Variants in AK9 observed in about 807,000 individuals in gnomAD.
AK9 encodes adenylate kinase domain containing 1.
A neutral mutation model predicts 239.6 loss-of-function variants in AK9; 191 were observed. The ratio of observed to expected loss-of-function variants is 0.80; its 90% CI spans 0.71 to 0.90. AK9 has a LOEUF of 0.90. AK9 is among the 40% of genes least tolerant of loss of function. The probability of loss-of-function intolerance (pLI) is 0.00; values close to 1 mark genes in which losing one functional copy is unlikely to be tolerated. For synonymous variants in AK9, 689 were observed against 721.0 expected (o/e 0.96, Z 0.71); for missense variants, 1,995 against 2,214.7 (o/e 0.90, Z 1.99).
chr6:109,598,127 G>A (rs975137099), intron 17 of AK9, among the ~76,000 whole-genome samples: 1 of 152,050 alleles, frequency 6.6e-6, no homozygotes, highest in African/African-American at 2.4e-5. Flanking sequence ...ACAACCTGCA[G>A]GTTTGTTACA....
At chr6:109,617,278 T>G (rs1794289632) in intron 13 of AK9, among the ~76,000 whole-genome samples, 1 of 152,160 alleles carries the variant, frequency 6.6e-6, no homozygotes, top group Non-Finnish European at 1.5e-5. Flanking sequence ...AGAAAAATTC[T>G]ACAAGCATCC....
chr6:109,533,242 G>A lies in AK9; in HGVS notation c.3570+9C>T. 6.3e-7 allele frequency: 1 copy of A among 1,585,020 alleles called. No homozygotes were observed. The highest frequency in any genetic ancestry group is 8.6e-7 in the Non-Finnish European group (1 of 1,165,836). On this transcript the variant is annotated intron_variant, in intron 28 of 40. Transcript: ENST00000424296. The stretch of plus-strand genomic sequence containing the variant: ...AGATTTATTCAATGCATTTTTGCTA[G>A]ATACATACCCTGATTTTTGCCTTCA...
intron 24 of AK9, among the ~76,000 whole-genome samples, chr6:109,555,128 A>G: frequency 6.6e-6 from 1 of 151,992 alleles, no homozygotes; most frequent in South Asian, 2.1e-4. Flanking sequence ...AGATCTTTCT[A>G]GCTTTCTGAT....
chr6:109,521,059 A>G (rs899241574), intron 29 of AK9, among the ~76,000 whole-genome samples: 1 of 152,022 alleles, frequency 6.6e-6, no homozygotes, highest in African/African-American at 2.4e-5. Context: ...GAGATAGTTT[A>G]ACTTCTTTTC....
At chr6:109,587,561 A>C (rs532342736) in intron 17 of AK9, among the ~76,000 whole-genome samples, 5 of 151,954 alleles carry the variant, frequency 3.3e-5, no homozygotes, top group African/African-American at 1.2e-4. Flanking sequence ...TTCTGCTTCC[A>C]TGTGTACACA....
intron 1 of AK9, among the ~76,000 whole-genome samples, chr6:109,687,777 A>C (rs1474839104): frequency 2.6e-5 from 4 of 152,200 alleles, no homozygotes; most frequent in African/African-American, 7.2e-5. Context: ...TGGCCATGGA[A>C]ACCGTGCGAT....
intron 12 of AK9, among the ~76,000 whole-genome samples, chr6:109,627,664 T>G (rs1442654510): frequency 2.1e-5 from 2 of 95,588 alleles, no homozygotes; most frequent in African/African-American, 5.7e-5. Flanking sequence ...CTTCTGTTTT[T>G]TGTTTTTTTG....
chr6:109,612,632 A>G (rs894872517), intron 15 of AK9, among the ~76,000 whole-genome samples: 3 of 151,980 alleles, frequency 2.0e-5, no homozygotes, highest in Non-Finnish European at 2.9e-5. Context: ...TTTAATGTAT[A>G]GGGGGTGGGG....
chr6:109,550,458 A>C (rs997274422), intron 24 of AK9, 156 bp from the exon 25 acceptor site: 20 of 594,826 alleles, frequency 3.4e-5, no homozygotes, highest in Non-Finnish European at 4.6e-5. Flanking sequence ...TTAATTAAAA[A>C]TCAGTTTCTC....
At chr6:109,509,810 G>T (rs1428921521) in intron 32 of AK9, among the ~76,000 whole-genome samples, 1 of 152,134 alleles carries the variant, frequency 6.6e-6, no homozygotes, top group South Asian at 2.1e-4. Flanking sequence ...CCTGCCCCTT[G>T]TGAGTTGGTG....
chr6:109,549,444 G>T (rs1784026931), intron 25 of AK9, among the ~76,000 whole-genome samples: 1 of 152,092 alleles, frequency 6.6e-6, no homozygotes, highest in Non-Finnish European at 1.5e-5. Flanking sequence ...CCATCATCCT[G>T]CTCTGCTCTG....
chr6:109,687,553 G>A (rs1186607960), intron 1 of AK9, among the ~76,000 whole-genome samples: 3 of 152,210 alleles, frequency 2.0e-5, no homozygotes, highest in Non-Finnish European at 4.4e-5. Flanking sequence ...AGAGTGGGTG[G>A]CATGTGAGTG....
At chr6:109,570,821 A>G (rs1787316860) in intron 21 of AK9, among the ~76,000 whole-genome samples, 2 of 152,230 alleles carry the variant, frequency 1.3e-5, no homozygotes, top group South Asian at 4.1e-4. Flanking sequence ...AGATTGTGAT[A>G]TGAAGACAAG....
At chr6:109,506,879 C>G in intron 33 of AK9, 79 bp from the exon 34 acceptor site, 2 of 1,433,020 alleles carry the variant, frequency 1.4e-6, no homozygotes, top group Non-Finnish European at 9.1e-7. Context: ...CAGAACCAGT[C>G]TGTCTCTTTA....
At chr6:109,580,903 G>GTTTT (rs201925080) in intron 19 of AK9, among the ~76,000 whole-genome samples, 52,148 of 142,342 alleles carry the variant, frequency 0.37, 9,435 homozygotes, top group South Asian at 0.51. Context: ...CAGATATCGT[G>GTTTT]GTTTTTTTTT....
intron 8 of AK9, among the ~76,000 whole-genome samples, chr6:109,648,843 T>C (rs1172302478): frequency 6.6e-6 from 1 of 152,200 alleles, no homozygotes; most frequent in Admixed American, 6.5e-5. Flanking sequence ...AAATCCTCAA[T>C]AAAATACTGG....
chr6:109,691,069 C>A, intron 1 of AK9, 78 bp downstream of exon 1: 1 of 320,792 alleles, frequency 3.1e-6, no homozygotes, highest in Non-Finnish European at 6.0e-6. Context: ...CCGCTTTTTT[C>A]CAAAGAGAGG....
chr6:109,662,226 T>C (rs1402647444), intron 6 of AK9, among the ~76,000 whole-genome samples: 2 of 152,136 alleles, frequency 1.3e-5, no homozygotes, highest in Non-Finnish European at 2.9e-5. Flanking sequence ...AACTCTCTTA[T>C]GATAAGTAAG....
At chr6:109,684,198 G>C (rs1322552059) in intron 1 of AK9, among the ~76,000 whole-genome samples, 1 of 152,090 alleles carries the variant, frequency 6.6e-6, no homozygotes, top group Non-Finnish European at 1.5e-5. Flanking sequence ...TAGTCAAATG[G>C]AGAAAACTGA....
Sources: gnomAD v4.1 joint callset for allele counts (sites outside exome capture counted in the v4.1 genomes callset) on GRCh38, gnomAD v4.1.1 for gene constraint, MANE v1.5 for transcripts, NCBI Gene and HGNC (gene_info 2026-07-23, HGNC 2026-07-21) for gene names.